ZBTB7C: variants seen among roughly 807,000 people sequenced by gnomAD.
ZBTB7C encodes zinc finger and BTB domain-containing protein 7C.
A neutral mutation model predicts 25.7 loss-of-function variants in ZBTB7C; 8 were observed. The observed-to-expected ratio is 0.31, with a 90% CI of 0.18 to 0.56. ZBTB7C has a LOEUF of 0.56. Ranked by LOEUF, ZBTB7C falls within the 20% of genes least tolerant of loss-of-function variation. The pLI is 0.91. For missense variants in ZBTB7C, 824 were observed against 855.2 expected (o/e 0.96, Z 0.46); for synonymous variants, 394 against 369.0 (o/e 1.07, Z -0.78).
chr18:48,163,586 TC>T (rs2041144337), intron 3 of ZBTB7C, among the ~76,000 whole-genome samples: 1 of 152,176 alleles, frequency 6.6e-6, no homozygotes, highest in African/African-American at 2.4e-5. Context: ...ACAGCTGGAA[TC>T]AGCCTTTCAA....
chr18:48,183,916 C>T (rs1315976402), intron 3 of ZBTB7C, among the ~76,000 whole-genome samples: 1 of 152,166 alleles, frequency 6.6e-6, no homozygotes, highest in Non-Finnish European at 1.5e-5. Context: ...TCAGCTCTTG[C>T]TTCTTTACCC....
chr18:48,386,941 G>A (rs1327967773), intron 1 of ZBTB7C, among the ~76,000 whole-genome samples: 3 of 152,122 alleles, frequency 2.0e-5, no homozygotes, highest in African/African-American at 4.8e-5. Context: ...CTCTGTTGTC[G>A]CTCTGCTTTC....
intron 3 of ZBTB7C, among the ~76,000 whole-genome samples, chr18:48,093,427 G>A (rs1288772419): frequency 6.6e-6 from 1 of 152,296 alleles, no homozygotes; most frequent in African/African-American, 2.4e-5. Flanking sequence ...GCCCAGATCT[G>A]CTGAAATCCA....
At chr18:48,091,439 T>C (rs1026111134) in intron 3 of ZBTB7C, among the ~76,000 whole-genome samples, 1 of 152,134 alleles carries the variant, frequency 6.6e-6, no homozygotes, top group Non-Finnish European at 1.5e-5. Context: ...TTTTTTAAAC[T>C]AAGTTTTTGA....
rs534324544 is a variant in ZBTB7C at position 48,205,003 on chromosome 18, G to A, written c.-78-19008C>T. Among the ~76,000 whole-genome samples, 73 of 152,256 alleles carry A rather than the reference G, an allele frequency of 4.8e-4. 2 individuals carry two copies. The South Asian group carries it at 0.014, about 29-fold the overall frequency. ...AAAAGCAGCCCAGCTTGGGGGTGGA[G>A]TGGGGAGCAATCTTGAGGGGGGTTA... On this transcript the variant is annotated intron_variant, in intron 2 of 4. Transcript: ENST00000590800.
At chr18:48,122,522 T>C (rs1362544349) in intron 3 of ZBTB7C, among the ~76,000 whole-genome samples, 2 of 152,196 alleles carry the variant, frequency 1.3e-5, no homozygotes, top group African/African-American at 4.8e-5. Flanking sequence ...ATTAAATTCA[T>C]GGTGCCAGAT....
chr18:48,355,828 C>T (rs777081421), intron 1 of ZBTB7C, among the ~76,000 whole-genome samples: 1 of 152,240 alleles, frequency 6.6e-6, no homozygotes, highest in Non-Finnish European at 1.5e-5. Flanking sequence ...TTCACATTCT[C>T]TTGATCTGAG....
chr18:48,075,401 A>G lies in ZBTB7C; in HGVS notation c.-16-34278T>C, dbSNP rs146157592. 3.0e-3 allele frequency among the ~76,000 whole-genome samples: 451 copies of G among 152,280 alleles called. 4 individuals are homozygous for G. The South Asian group carries it at 0.033, about 11-fold the overall frequency. ...TTCAAGCCCAGTGCCCAATAAGGAG[A>G]AGCCAGATGGAAATGGGAACAGCCA... On this transcript the variant is annotated intron_variant, in intron 3 of 4. Transcript: ENST00000590800.
Position 48,040,538 on chromosome 18 carries a change from G to T in ZBTB7C, c.570C>A (p.Ser190=), listed in dbSNP as rs1415288607. Residue 190 remains serine, a synonymous_variant, in exon 4 of 5, where the codon TCC becomes TCA. Coordinates refer to ENST00000590800, the MANE Select transcript of ZBTB7C (RefSeq NM_001318841.2). ...CCTTCTCTGTGAGATGGTCTGTCTT[G>T]GAAGGGCTTTGGTGGCAGCTGATGT... The part of the protein sequence containing the change: ...PQDISCHQSP[S]KTDHLTEKAY... 6.2e-7 allele frequency: 1 copy of T among 1,613,916 alleles called. No homozygotes were observed. The highest frequency in any genetic ancestry group is 8.5e-7 in the Non-Finnish European group (1 of 1,179,974).
chr18:48,362,852 C>T (rs552858708), intron 1 of ZBTB7C, among the ~76,000 whole-genome samples: 2 of 152,284 alleles, frequency 1.3e-5, no homozygotes, highest in African/African-American at 2.4e-5. Context: ...GGGGCTTCAA[C>T]GACCCACAAA....
intron 1 of ZBTB7C, among the ~76,000 whole-genome samples, chr18:48,367,210 CACACACACACACACACACACACATACAT>C (rs2047252372): frequency 1.5e-5 from 1 of 65,516 alleles, no homozygotes; most frequent in African/African-American, 5.3e-5. Context: ...TATACACACA[CACACACACACACACACACACACATACAT>C]ACACACACAC....
chr18:48,176,010 G>A (rs568818918), intron 3 of ZBTB7C, among the ~76,000 whole-genome samples: 1 of 152,262 alleles, frequency 6.6e-6, no homozygotes, highest in East Asian at 1.9e-4. Context: ...AGAGACCGAT[G>A]AGGAGCAGGG....
intron 1 of ZBTB7C, among the ~76,000 whole-genome samples, chr18:48,390,842 A>G (rs9956183): frequency 0.26 from 39,395 of 152,170 alleles, 5,722 homozygotes; most frequent in African/African-American, 0.38. Flanking sequence ...CTGTGCAGTC[A>G]CTGGGTCTCC....
At chr18:48,285,230 T>G (rs1049376746) in intron 2 of ZBTB7C, among the ~76,000 whole-genome samples, 2 of 152,362 alleles carry the variant, frequency 1.3e-5, no homozygotes, top group South Asian at 2.1e-4. Context: ...ACAAAAGGTA[T>G]GTTTAAAATC....
chr18:48,040,663 C>G lies in ZBTB7C; in HGVS notation c.445G>C (p.Asp149His), dbSNP rs2036194958. The G allele has an allele frequency of 1.2e-6, 2 of 1,613,812 alleles. No individual in the cohort carries two copies. Among genetic ancestry groups the G allele is most frequent in the East Asian group, 4.5e-5 (2 of 44,872 alleles). The change falls in exon 4 of 5, where the codon GAT (aspartate) becomes CAT (histidine). Residue 149 changes from aspartate to histidine, a missense_variant. Asp to His is a moderately conservative substitution (Grantham distance 81). Transcript: ENST00000590800. ...KEDDDDDEDD[D>H]DEEDEEEEEE... Reference sequence around the variant, plus strand: ...TCCTCCTCTTCGTCCTCCTCATCATCATCATCTTCGTCGTCGTCATCGTCC... The same window carrying G: ...TCCTCCTCTTCGTCCTCCTCATCATGATCATCTTCGTCGTCGTCATCGTCC...
chr18:48,036,831 G>A (rs1414994798), intron 4 of ZBTB7C, among the ~76,000 whole-genome samples: 1 of 152,144 alleles, frequency 6.6e-6, no homozygotes, highest in Non-Finnish European at 1.5e-5. Flanking sequence ...CAAAAATAAG[G>A]TCCCCGTGGA....
At chr18:48,276,417 A>G (rs1339586928) in intron 2 of ZBTB7C, among the ~76,000 whole-genome samples, 1 of 146,890 alleles carries the variant, frequency 6.8e-6, no homozygotes, top group African/African-American at 2.5e-5. Flanking sequence ...GTCATCTAGC[A>G]TTAGGTATAT....
intron 3 of ZBTB7C, among the ~76,000 whole-genome samples, chr18:48,179,634 A>G (rs2041815675): frequency 6.6e-6 from 1 of 152,148 alleles, no homozygotes; most frequent in Non-Finnish European, 1.5e-5. Context: ...GTCAGAAGTC[A>G]GGCTGGAATG....
intron 1 of ZBTB7C, among the ~76,000 whole-genome samples, chr18:48,387,416 T>G (rs1419753390): frequency 6.6e-6 from 1 of 152,200 alleles, no homozygotes; most frequent in Non-Finnish European, 1.5e-5. Context: ...GGGTTTTATT[T>G]CTAACAGGCA....
Sources: allele counts gnomAD v4.1 joint callset (sites outside exome capture counted in the v4.1 genomes callset), GRCh38; gene constraint gnomAD v4.1.1; transcripts MANE v1.5; gene names NCBI Gene and HGNC (gene_info 2026-07-23, HGNC 2026-07-21).